The following CFAP97D2 variants were observed in gnomAD, a reference collection of about 807,000 sequenced individuals.
CFAP97D2 encodes CFAP97 domain containing 2.
intron 1 of CFAP97D2, among the ~76,000 whole-genome samples, chr13:114,193,287 G>T (rs2080875650): frequency 6.6e-6 from 1 of 152,218 alleles, no homozygotes; most frequent in Admixed American, 6.5e-5. Context: ...TATTCAGATA[G>T]ATTTAATTGC....
chr13:114,213,314 G>A (rs573605707), intron 4 of CFAP97D2, among the ~76,000 whole-genome samples: 1 of 129,450 alleles, frequency 7.7e-6, no homozygotes, highest in African/African-American at 3.3e-5. Context: ...CCCTGGACAA[G>A]CTCAAGGACC....
At chr13:114,217,281 G>T (rs1237225924) in intron 4 of CFAP97D2, among the ~76,000 whole-genome samples, 4 of 152,174 alleles carry the variant, frequency 2.6e-5, no homozygotes, top group Non-Finnish European at 1.5e-5. Context: ...AAATCTAGAA[G>T]AAATGGATAA....
At chr13:114,194,843 A>G (rs9525301) in intron 1 of CFAP97D2, among the ~76,000 whole-genome samples, 54,216 of 152,022 alleles carry the variant, frequency 0.36, 9,909 homozygotes, top group Non-Finnish European at 0.38. Flanking sequence ...GACATTTTTA[A>G]TAACAGTTAT....
chr13:114,214,550 G>T (rs2080985118), intron 4 of CFAP97D2, among the ~76,000 whole-genome samples: 1 of 151,836 alleles, frequency 6.6e-6, no homozygotes, highest in African/African-American at 2.4e-5. Flanking sequence ...TGTGAACTTT[G>T]ATTTTTATTT....
intron 1 of CFAP97D2, among the ~76,000 whole-genome samples, chr13:114,182,666 A>G (rs1173748677): frequency 6.6e-6 from 1 of 152,196 alleles, no homozygotes; most frequent in Non-Finnish European, 1.5e-5. Context: ...GATGACTTTT[A>G]CCAAGTATAC....
In CFAP97D2 at chr13:114,189,153, G is replaced by A. The variant is rs887228393; in HGVS notation, c.91-7243G>A. Among the ~76,000 whole-genome samples the A allele has an allele frequency of 6.6e-6, 1 of 151,110 alleles. No individual in the cohort carries two copies. The highest frequency in any genetic ancestry group is 1.5e-5 in the Non-Finnish European group (1 of 67,856). On this transcript the variant is annotated intron_variant, in intron 1 of 4. Coordinates refer to ENST00000646158, the Ensembl canonical transcript of CFAP97D2. This position sits in a 1 kb window ranked among gnomAD's most constrained non-coding sequence, Gnocchi z 4.5. ...TATGATCATCAAGAAAGGAAAAAAG[G>A]AGCATCACTACAATCCCTAGGATAT...
chr13:114,197,431 C>G (rs1222275870), intron 2 of CFAP97D2, among the ~76,000 whole-genome samples: 1 of 152,156 alleles, frequency 6.6e-6, no homozygotes, highest in Non-Finnish European at 1.5e-5. Context: ...TGTCCAACCC[C>G]ACTTCCCATC....
intron 1 of CFAP97D2, among the ~76,000 whole-genome samples, chr13:114,193,196 C>T (rs2080875487): frequency 6.6e-6 from 1 of 151,714 alleles, no homozygotes. Context: ...TCCTAAGTAT[C>T]TGGAAAAAAA....
At chr13:114,193,949 C>G (rs1348234966) in intron 1 of CFAP97D2, among the ~76,000 whole-genome samples, 1 of 152,156 alleles carries the variant, frequency 6.6e-6, no homozygotes, top group East Asian at 1.9e-4. Context: ...ATACAATAGA[C>G]TGAAACATGT....
rs1189517154 is a variant in CFAP97D2 at position 114,189,606 on chromosome 13, T to C, written c.91-6790T>C. ...CTTAGCAAATTCGATTAAAAGTGTATAAAAAGTATTATATGCCATGACCAA... is the reference window on the plus strand; with the variant it reads ...CTTAGCAAATTCGATTAAAAGTGTACAAAAAGTATTATATGCCATGACCAA... On this transcript the variant is annotated intron_variant, in intron 1 of 4. Coordinates refer to ENST00000646158, the Ensembl canonical transcript of CFAP97D2. The surrounding 1 kb of genome is among the most constrained non-coding windows in gnomAD (Gnocchi z 4.5). 6.6e-6 allele frequency among the ~76,000 whole-genome samples: 1 copy of C among 152,088 alleles called. No homozygotes were observed. The highest frequency in any genetic ancestry group is 6.6e-5 in the Admixed American group (1 of 15,258).
intron 1 of CFAP97D2, among the ~76,000 whole-genome samples, chr13:114,180,430 A>T (rs2080828068): frequency 6.6e-6 from 1 of 151,756 alleles, no homozygotes; most frequent in African/African-American, 2.4e-5. Context: ...TGAGGTCCCC[A>T]CTGGGAACTC....
chr13:114,190,703 C>T (rs886193298), intron 1 of CFAP97D2, among the ~76,000 whole-genome samples: 2 of 152,068 alleles, frequency 1.3e-5, no homozygotes, highest in Non-Finnish European at 2.9e-5. Context: ...TAGTTCTTTC[C>T]AATTTGATCT....
At chr13:114,201,969 C>T (rs948216313) in intron 3 of CFAP97D2, among the ~76,000 whole-genome samples, 5 of 152,204 alleles carry the variant, frequency 3.3e-5, no homozygotes, top group Admixed American at 3.3e-4. Context: ...ACCAGCACCC[C>T]AGTCAAGACA....
In CFAP97D2 at chr13:114,204,871, T is replaced by C. The variant is rs527310147; in HGVS notation, c.290+4428T>C. ...ACAACTTTTGTGCATCAAAGGACACTATCAAGAAAGTAAAAAAAACCCACA... is the reference window on the plus strand; with the variant it reads ...ACAACTTTTGTGCATCAAAGGACACCATCAAGAAAGTAAAAAAAACCCACA... On this transcript the variant is annotated intron_variant, in intron 3 of 4. Coordinates refer to ENST00000646158, the Ensembl canonical transcript of CFAP97D2. Among the ~76,000 whole-genome samples the C allele has an allele frequency of 2.9e-3, 440 of 152,260 alleles. 1 individual carries two copies. Among genetic ancestry groups the C allele is most frequent in the African/African-American group, 0.01 (421 of 41,550 alleles).
In CFAP97D2 at chr13:114,186,840, C is replaced by G. The variant is rs1045213278; in HGVS notation, c.90+7420C>G. ...GACCCCACACTCACTCACTCACACA[C>G]CCCTCGCCACTCCACTCCAGTCTCT... is the stretch of plus-strand genomic sequence containing the variant. On this transcript the variant is annotated intron_variant, in intron 1 of 4. Transcript: ENST00000646158. This position sits in a 1 kb window ranked among gnomAD's most constrained non-coding sequence, Gnocchi z 4.3. 6.6e-6 allele frequency among the ~76,000 whole-genome samples: 1 copy of G among 152,350 alleles called. No homozygotes were observed. Among genetic ancestry groups the G allele is most frequent in the Admixed American group, 6.5e-5 (1 of 15,308 alleles).
chr13:114,193,302 GA>G (rs888622959), intron 1 of CFAP97D2, among the ~76,000 whole-genome samples: 1 of 152,224 alleles, frequency 6.6e-6, no homozygotes, highest in Non-Finnish European at 1.5e-5. Context: ...AATTGCATAT[GA>G]AAATTTAGAA....
intron 1 of CFAP97D2, among the ~76,000 whole-genome samples, chr13:114,182,140 A>T (rs935952464): frequency 4.1e-5 from 6 of 146,548 alleles, no homozygotes; most frequent in African/African-American, 1.0e-4. Flanking sequence ...GTAGGAGAGC[A>T]GGGTGATAAT....
chr13:114,187,230 T>C lies in CFAP97D2; in HGVS notation c.90+7810T>C, dbSNP rs1203958477. 6.6e-6 allele frequency among the ~76,000 whole-genome samples: 1 copy of C among 151,984 alleles called. No individual in the cohort carries two copies. Among genetic ancestry groups the C allele is most frequent in the Non-Finnish European group, 1.5e-5 (1 of 68,002 alleles). ...GAGAAAATGGAATCATATAAAATGC[T>C]CAATTAAAACCACAAAAGGCAGAAA... is the stretch of plus-strand genomic sequence containing the variant. On this transcript the variant is annotated intron_variant, in intron 1 of 4. Coordinates refer to ENST00000646158, the Ensembl canonical transcript of CFAP97D2. This position sits in a 1 kb window ranked among gnomAD's most constrained non-coding sequence, Gnocchi z 4.2.
intron 1 of CFAP97D2, among the ~76,000 whole-genome samples, chr13:114,182,195 T>C (rs1367221767): frequency 2.1e-5 from 3 of 142,524 alleles, no homozygotes; most frequent in Admixed American, 1.4e-4. Flanking sequence ...GTCTATGTCG[T>C]AATTAAGTTC....
Sources: gnomAD v4.1 joint callset for allele counts (sites outside exome capture counted in the v4.1 genomes callset) on GRCh38, gnomAD v4.1.1 for gene constraint, Gnocchi (gnomAD v3.1) non-coding constraint, MANE v1.5 for transcripts, NCBI Gene and HGNC (gene_info 2026-07-23, HGNC 2026-07-21) for gene names.